ARID3B: variants seen among roughly 807,000 people sequenced by gnomAD.
ARID3B encodes AT-rich interaction domain 3B.
In ARID3B, 10 loss-of-function variants were observed where a neutral mutation model predicts 51.9. The ratio of observed to expected loss-of-function variants is 0.19; its 90% confidence interval spans 0.12 to 0.33. The LOEUF is 0.33. ARID3B is among the 10% of genes least tolerant of loss of function. The probability of loss-of-function intolerance (pLI) is 1.00; values close to 1 mark genes in which losing one functional copy is unlikely to be tolerated. For synonymous variants in ARID3B, 205 were observed against 279.5 expected (o/e 0.73, Z 2.66); for missense variants, 483 against 716.3 (o/e 0.67, Z 3.72).
intron 8 of ARID3B, among the ~76,000 whole-genome samples, chr15:74,594,458 A>G (rs987463478): frequency 6.6e-6 from 1 of 152,126 alleles, no homozygotes; most frequent in African/African-American, 2.4e-5. Context: ...AAAAAAAAAA[A>G]GCACAGTATT....
intron 1 of ARID3B, among the ~76,000 whole-genome samples, chr15:74,541,973 C>A (rs2061597098): frequency 6.6e-6 from 1 of 152,078 alleles, no homozygotes; most frequent in South Asian, 2.1e-4. Context: ...AAAATGGGCT[C>A]TTTGGGGGAG....
chr15:74,569,913 C>T (rs1372683419), intron 2 of ARID3B, among the ~76,000 whole-genome samples: 1 of 152,192 alleles, frequency 6.6e-6, no homozygotes, highest in Non-Finnish European at 1.5e-5. Context: ...ATTGACCATC[C>T]TTGCCTTGGA....
chr15:74,551,643 G>A (rs2061637844), intron 2 of ARID3B, among the ~76,000 whole-genome samples: 1 of 152,086 alleles, frequency 6.6e-6, no homozygotes, highest in Non-Finnish European at 1.5e-5. Context: ...TTAAAAACAA[G>A]CAAACAACAA....
chr15:74,549,887 A>G (rs1024268730), intron 2 of ARID3B, among the ~76,000 whole-genome samples: 2 of 152,206 alleles, frequency 1.3e-5, no homozygotes, highest in Non-Finnish European at 2.9e-5. Flanking sequence ...ATGCTGCTAA[A>G]CATCCTATAA....
intron 2 of ARID3B, among the ~76,000 whole-genome samples, chr15:74,560,041 ACCACACAC>A (rs2061674009): frequency 1.0e-4 from 14 of 137,294 alleles, no homozygotes; most frequent in African/African-American, 1.3e-4. Flanking sequence ...TAAAAAAAAA[ACCACACAC>A]ACAAAAATTA....
rs139853445 is a variant in ARID3B, at chr15:74,568,465, T to G, written c.553-4397T>G. ...AAGAAGCTCTGAGACCCTGAGCAGG[T>G]TATTTGAGCTCTTTGAGCCATTGTT... On this transcript the variant is annotated intron_variant, in intron 2 of 8. Transcript: ENST00000346246. Among the ~76,000 whole-genome samples, 20 of 152,278 alleles carry G rather than the reference T, an allele frequency of 1.3e-4. No individual in the cohort carries two copies. In the East Asian group the frequency reaches 3.9e-3, roughly 29 times the overall value.
chr15:74,575,506 A>G (rs1252044619), intron 4 of ARID3B, among the ~76,000 whole-genome samples: 1 of 152,198 alleles, frequency 6.6e-6, no homozygotes, highest in Non-Finnish European at 1.5e-5. Flanking sequence ...CAGGGTATTC[A>G]AGCTGCCTTG....
chr15:74,541,552 A>C (rs181116711), intron 1 of ARID3B, among the ~76,000 whole-genome samples: 1 of 151,942 alleles, frequency 6.6e-6, no homozygotes, highest in African/African-American at 2.4e-5. Context: ...AGCGATGAGA[A>C]GGGTGAGGGG....
At chr15:74,553,007 CCAACTGTGTCTCA>C (rs2061643735) in intron 2 of ARID3B, among the ~76,000 whole-genome samples, 1 of 152,138 alleles carries the variant, frequency 6.6e-6, no homozygotes, top group African/African-American at 2.4e-5. Flanking sequence ...AAGAAACTGC[CCAACTGTGTCTCA>C]AAGTGGGTGT....
At chr15:74,572,436 A>G (rs2061722390) in intron 2 of ARID3B, among the ~76,000 whole-genome samples, 1 of 152,200 alleles carries the variant, frequency 6.6e-6, no homozygotes, top group Non-Finnish European at 1.5e-5. Flanking sequence ...TATCACTTAC[A>G]GTGTTGTATA....
chr15:74,565,740 T>TG (rs1311412658), intron 2 of ARID3B, among the ~76,000 whole-genome samples: 11 of 152,090 alleles, frequency 7.2e-5, no homozygotes, highest in African/African-American at 2.6e-4. Context: ...TTTTGTTTTT[T>TG]TTTTTTTTAA....
At chr15:74,558,042 C>T (rs981286280) in intron 2 of ARID3B, among the ~76,000 whole-genome samples, 3 of 151,810 alleles carry the variant, frequency 2.0e-5, no homozygotes, top group South Asian at 2.1e-4. Flanking sequence ...TGGATGGTCT[C>T]GATCTCCTGA....
chr15:74,577,196 A>G (rs2061741361), intron 4 of ARID3B, among the ~76,000 whole-genome samples: 3 of 151,976 alleles, frequency 2.0e-5, no homozygotes, highest in Admixed American at 2.0e-4. Flanking sequence ...GGAGTGGGGC[A>G]TGGTGGCTCA....
intron 4 of ARID3B, among the ~76,000 whole-genome samples, chr15:74,578,929 T>C (rs1385789353): frequency 6.6e-6 from 1 of 151,142 alleles, no homozygotes; most frequent in Non-Finnish European, 1.5e-5. Context: ...GAAAGGGAAA[T>C]GCAAGGAAGA....
chr15:74,561,703 A>G (rs1243814901), intron 2 of ARID3B, among the ~76,000 whole-genome samples: 1 of 152,210 alleles, frequency 6.6e-6, no homozygotes, highest in Non-Finnish European at 1.5e-5. Context: ...CTGAGGATTA[A>G]ATGTCAATAC....
chr15:74,573,541 G>A (rs4887159), intron 4 of ARID3B: 70,096 of 312,758 alleles, frequency 0.22, 11,071 homozygotes, highest in East Asian at 0.55. Context: ...TCTAGCATGT[G>A]GGCCTTCTTG....
At chr15:74,554,625 C>A (rs564876709) in intron 2 of ARID3B, among the ~76,000 whole-genome samples, 1 of 152,200 alleles carries the variant, frequency 6.6e-6, no homozygotes, top group East Asian at 1.9e-4. Flanking sequence ...TTTGGATTTT[C>A]AATTTAACTA....
At chr15:74,551,444 C>T (rs7177407) in intron 2 of ARID3B, among the ~76,000 whole-genome samples, 36,419 of 152,090 alleles carry the variant, frequency 0.24, 5,750 homozygotes, top group East Asian at 0.55. Context: ...CTTATAAATA[C>T]ACAATCACTG....
chr15:74,547,803 A>G (rs1187649997), intron 2 of ARID3B, among the ~76,000 whole-genome samples: 2 of 152,264 alleles, frequency 1.3e-5, no homozygotes, highest in African/African-American at 4.8e-5. Context: ...AGCATAGCAT[A>G]GCTTGGCAAA....
Sources: gnomAD v4.1 joint callset for allele counts (sites outside exome capture counted in the v4.1 genomes callset) on GRCh38, gnomAD v4.1.1 for gene constraint, MANE v1.5 for transcripts, NCBI Gene and HGNC (gene_info 2026-07-23, HGNC 2026-07-21) for gene names.